Variants in MADD observed in about 807,000 individuals in gnomAD.
MADD encodes MAP kinase-activating death domain protein.
In MADD, 109 loss-of-function variants were observed where a neutral mutation model predicts 176.7. The ratio of observed to expected loss-of-function variants is 0.62; its 90% CI spans 0.53 to 0.72. The LOEUF (loss-of-function observed/expected upper bound fraction) is 0.72. Among genes scored for constraint, MADD ranks in the 30% least tolerant of loss-of-function variants. The probability of loss-of-function intolerance (pLI) is 0.00; values close to 1 mark genes in which losing one functional copy is unlikely to be tolerated. For missense variants in MADD, 1,914 were observed against 2,045.5 expected (o/e 0.94, Z 1.24); for synonymous variants, 771 against 771.3 (o/e 1.00, Z 0.01).
intron 27 of MADD, among the ~76,000 whole-genome samples, chr11:47,315,601 A>G (rs112045199): frequency 3.0e-4 from 46 of 151,542 alleles, no homozygotes; most frequent in East Asian, 1.8e-3. Context: ...CAGCCTCCCA[A>G]GTAGCTGGGA....
chr11:47,322,509 G>A (rs374201900), intron 27 of MADD, among the ~76,000 whole-genome samples: 1 of 152,166 alleles, frequency 6.6e-6, no homozygotes, highest in African/African-American at 2.4e-5. Flanking sequence ...CTACTCGAGA[G>A]GCTGAGGCAG....
exon 3 of MADD, chr11:47,274,791 C>G (rs2048243448): frequency 1.2e-6 from 2 of 1,614,224 alleles, no homozygotes; most frequent in Non-Finnish European, 1.7e-6. Context: ...GTGTTAACTT[C>G]TACCGCTCCT....
chr11:47,295,556 C>G (rs780035409), exon 21 of MADD: 1 of 1,614,050 alleles, frequency 6.2e-7, no homozygotes, highest in Admixed American at 1.7e-5. Flanking sequence ...CAGCTCAAGT[C>G]AGGATTCTGA....
chr11:47,278,939 A>C, intron 6 of MADD, 60 bp from the exon 7 acceptor site: 1 of 1,393,592 alleles, frequency 7.2e-7, no homozygotes, highest in East Asian at 2.3e-5. Flanking sequence ...TTATTTATGT[A>C]AGTGAAATTC....
chr11:47,282,162 A>G (rs1194811534), intron 8 of MADD, among the ~76,000 whole-genome samples: 1 of 152,036 alleles, frequency 6.6e-6, no homozygotes, highest in Non-Finnish European at 1.5e-5. Flanking sequence ...TAAAATATAT[A>G]CTATATTTGG....
chr11:47,275,382 C>T (rs1302000425), intron 3 of MADD, among the ~76,000 whole-genome samples: 1 of 152,204 alleles, frequency 6.6e-6, no homozygotes, highest in East Asian at 1.9e-4. Context: ...ACCCCTGCCT[C>T]CTGGGTTCAA....
exon 7 of MADD, chr11:47,279,032 A>G (rs2053532934): frequency 1.9e-6 from 3 of 1,614,114 alleles, no homozygotes; most frequent in Non-Finnish European, 2.5e-6. Flanking sequence ...AGTGCTGCCT[A>G]TCCTGCCAGA....
intron 6 of MADD, 147 bp from the exon 7 acceptor site, chr11:47,278,852 T>A (rs2053271426): frequency 3.4e-6 from 2 of 585,998 alleles, no homozygotes; most frequent in Non-Finnish European, 6.2e-6. Context: ...CATATATGTG[T>A]GTACATATAT....
In MADD at chr11:47,281,850, CT is replaced by C. The variant is rs56374249; in HGVS notation, c.1469+107del. The C allele has an allele frequency of 2.1e-5, 7 of 329,092 alleles. 1 individual carries two copies. Among genetic ancestry groups the C allele is most frequent in the South Asian group, 1.0e-4 (1 of 9,660 alleles). The allele number at this position is 329,092 out of a possible 1,614,324, so 20.4% of individuals were successfully genotyped here. On this transcript the variant is annotated intron_variant, in intron 8 of 32. Transcript: ENST00000402192. ...AGACTATTTCTCTGAACCAGGGTTC[CT>C]TTTTTTTTTGAGATAGATTCTCACT...
Position 47,281,820 on chromosome 11 carries a change from G to A in MADD, c.1469+67G>A, listed in dbSNP as rs533620801. 7.9e-6 allele frequency: 8 copies of A among 1,018,908 alleles called. No individual in the cohort carries two copies. The Admixed American group carries it at 2.5e-4, about 32-fold the overall frequency. The allele number at this position is 1,018,908 out of a possible 1,614,324, so 63.1% of individuals were successfully genotyped here. A position where few individuals can be genotyped will look rare whatever the true frequency, so the allele number is the denominator to read the frequency against. On this transcript the variant is annotated intron_variant, in intron 8 of 32. Coordinates refer to ENST00000402192, the Ensembl canonical transcript of MADD. ...ATTTCTTTGCTCTCTAAGGGACCTT[G>A]GGGCAGACTATTTCTCTGAACCAGG...
chr11:47,293,160 C>G (rs2066919002), intron 19 of MADD, among the ~76,000 whole-genome samples: 1 of 152,084 alleles, frequency 6.6e-6, no homozygotes, highest in Non-Finnish European at 1.5e-5. Context: ...TCTCATCGGG[C>G]CCAACCTTTT....
chr11:47,286,323 A>G (rs1213601154), intron 14 of MADD, 110 bp from the exon 15 acceptor site: 15 of 753,964 alleles, frequency 2.0e-5, no homozygotes, highest in African/African-American at 1.7e-4. Flanking sequence ...GATCCACCAA[A>G]CTGGGATTGT....
chr11:47,282,413 A>G lies in MADD; in HGVS notation c.1502A>G (p.Asn501Ser), dbSNP rs773254148. ...ATGGTACGGTTCTTCAATTCCGCCA[A>G]CGTGCTGCAGGGATTTCAGATGCAC... Residue 501 changes from asparagine to serine, a missense_variant, in exon 9 of 33, where the codon AAC (asparagine) becomes AGC (serine). Coordinates refer to ENST00000402192, the Ensembl canonical transcript of MADD. 47 of 1,614,036 alleles carry G rather than the reference A, an allele frequency of 2.9e-5. 1 individual carries two copies. Among genetic ancestry groups the G allele is most frequent in the South Asian group, 1.3e-4 (12 of 91,088 alleles).
intron 22 of MADD, among the ~76,000 whole-genome samples, chr11:47,299,741 G>A (rs2076204902): frequency 6.8e-6 from 1 of 146,158 alleles, no homozygotes; most frequent in Non-Finnish European, 1.5e-5. Flanking sequence ...TGTTGCCCAG[G>A]CTGGTCTAGA....
chr11:47,281,259 A>ATT (rs2056428085), intron 7 of MADD, among the ~76,000 whole-genome samples: 1 of 152,248 alleles, frequency 6.6e-6, no homozygotes, highest in Non-Finnish European at 1.5e-5. Context: ...ACATTTAATG[A>ATT]CTATAATAAT....
chr11:47,315,208 C>T lies in MADD; in HGVS notation c.4090-12C>T, dbSNP rs754811269. On this transcript the variant is annotated splice_polypyrimidine_tract_variant and intron_variant, in intron 26 of 32. Coordinates refer to ENST00000402192, the Ensembl canonical transcript of MADD. ...ATGTATGACTGTCCCTAAAAAATCTCTCTTTCATCAGAATGGACGCGATCT... is the reference window on the plus strand; with the variant it reads ...ATGTATGACTGTCCCTAAAAAATCTTTCTTTCATCAGAATGGACGCGATCT... The T allele has an allele frequency of 6.3e-6, 10 of 1,579,450 alleles. No individual in the cohort carries two copies. The Admixed American group carries it at 1.7e-4, about 26-fold the overall frequency.
At chr11:47,313,600 A>G (rs886825560) in intron 26 of MADD, among the ~76,000 whole-genome samples, 1 of 152,064 alleles carries the variant, frequency 6.6e-6, no homozygotes, top group Non-Finnish European at 1.5e-5. Flanking sequence ...TTCTAGGATT[A>G]CAGGCACCCA....
At chr11:47,278,345 T>C in intron 6 of MADD, 67 bp downstream of exon 6, 1 of 1,140,696 alleles carries the variant, frequency 8.8e-7, no homozygotes, top group Non-Finnish European at 1.3e-6. Flanking sequence ...AGTCCTGAGA[T>C]ATCTGTTTCT....
intron 15 of MADD, 24 bp from the exon 17 acceptor site, chr11:47,289,367 T>C: frequency 6.3e-7 from 1 of 1,579,566 alleles, no homozygotes; most frequent in Non-Finnish European, 8.7e-7. Flanking sequence ...GTGATGTCTC[T>C]CATTCCTGCC....
Sources: gnomAD v4.1 joint callset for allele counts (sites outside exome capture counted in the v4.1 genomes callset) on GRCh38, gnomAD v4.1.1 for gene constraint, MANE v1.5 for transcripts, NCBI Gene and HGNC (gene_info 2026-07-23, HGNC 2026-07-21) for gene names.